VAV3: variants seen among roughly 807,000 people sequenced by gnomAD.
VAV3 encodes vav guanine nucleotide exchange factor 3, also known as guanine nucleotide exchange factor VAV3.
A neutral mutation model predicts 131.2 loss-of-function variants in VAV3; 94 were observed. The ratio of observed to expected loss-of-function variants is 0.72; its 90% CI spans 0.61 to 0.85. The LOEUF (loss-of-function observed/expected upper bound fraction) is 0.85, where lower values mean the gene tolerates loss of function less well. VAV3 is among the 40% of genes least tolerant of loss of function. The probability of loss-of-function intolerance (pLI) is 0.00; values close to 1 mark genes in which losing one functional copy is unlikely to be tolerated. For missense variants in VAV3, 939 were observed against 1,002.7 expected (o/e 0.94, Z 0.86); for synonymous variants, 349 against 342.0 (o/e 1.02, Z -0.22).
At chr1:107,954,764 T>TGGGGGCGGGGCGG (rs374683501) in intron 1 of VAV3, among the ~76,000 whole-genome samples, 1 of 133,138 alleles carries the variant, frequency 7.5e-6, no homozygotes, top group African/African-American at 3.3e-5. Flanking sequence ...GAAAATACCA[T>TGGGGGCGGGGCGG]GGGAGGGGGG....
chr1:107,895,437 GA>G, intron 1 of VAV3, among the ~76,000 whole-genome samples: 1 of 152,124 alleles, frequency 6.6e-6, no homozygotes, highest in South Asian at 2.1e-4. Flanking sequence ...TACTCTGTCA[GA>G]CACTATCCTA....
At chr1:107,579,425 C>G (rs1244634754) in intron 25 of VAV3, among the ~76,000 whole-genome samples, 1 of 152,180 alleles carries the variant, frequency 6.6e-6, no homozygotes, top group Admixed American at 6.5e-5. Flanking sequence ...CTCAAAGTCC[C>G]ATGTTTCCCC....
At chr1:107,657,111 C>G (rs973288170) in intron 19 of VAV3, among the ~76,000 whole-genome samples, 1 of 152,016 alleles carries the variant, frequency 6.6e-6, no homozygotes, top group Admixed American at 6.6e-5. Flanking sequence ...TGCACCACTA[C>G]ACCTGGCTGA....
At chr1:107,604,505 C>A (rs1374021555) in intron 22 of VAV3, among the ~76,000 whole-genome samples, 1 of 152,162 alleles carries the variant, frequency 6.6e-6, no homozygotes, top group Non-Finnish European at 1.5e-5. Context: ...TAGTCTCCAG[C>A]CTTCTTTCAG....
chr1:107,917,809 T>C (rs1303504094), intron 1 of VAV3, among the ~76,000 whole-genome samples: 1 of 152,170 alleles, frequency 6.6e-6, no homozygotes, highest in African/African-American at 2.4e-5. Flanking sequence ...TGCATGGGCT[T>C]CCCTAATCCA....
chr1:107,958,662 T>C (rs781132614), intron 1 of VAV3, among the ~76,000 whole-genome samples: 13 of 152,158 alleles, frequency 8.5e-5, no homozygotes, highest in Non-Finnish European at 1.6e-4. Flanking sequence ...AGTTCTGGGA[T>C]ACATGTGAAG....
At chr1:107,699,976 T>C (rs542669234) in intron 17 of VAV3, among the ~76,000 whole-genome samples, 1 of 152,162 alleles carries the variant, frequency 6.6e-6, no homozygotes, top group African/African-American at 2.4e-5. Context: ...CACCAAAGGT[T>C]ATGAGGCTGA....
chr1:107,864,006 T>C (rs1669868315), intron 2 of VAV3, among the ~76,000 whole-genome samples: 1 of 152,134 alleles, frequency 6.6e-6, no homozygotes, highest in African/African-American at 2.4e-5. Flanking sequence ...GGAATGTCAA[T>C]ATTACCAAAA....
intron 1 of VAV3, among the ~76,000 whole-genome samples, chr1:107,915,784 T>C (rs1025711254): frequency 2.6e-5 from 4 of 152,180 alleles, no homozygotes; most frequent in African/African-American, 9.7e-5. Flanking sequence ...TCAAATTTAC[T>C]GCAATGCATC....
chr1:107,757,171 GT>G, intron 11 of VAV3, 89 bp downstream of exon 11: 1 of 795,070 alleles, frequency 1.3e-6, no homozygotes, highest in African/African-American at 1.8e-5. Flanking sequence ...GTGTGTGTGT[GT>G]GTGTGTGTGT....
intron 15 of VAV3, among the ~76,000 whole-genome samples, chr1:107,721,902 T>C (rs141504381): frequency 8.1e-4 from 124 of 152,320 alleles, no homozygotes; most frequent in African/African-American, 2.9e-3. Flanking sequence ...CCCCAAATAC[T>C]TCCCTTAAGA....
intron 2 of VAV3, among the ~76,000 whole-genome samples, chr1:107,818,623 AT>A (rs1294354808): frequency 6.6e-6 from 1 of 152,208 alleles, no homozygotes; most frequent in Non-Finnish European, 1.5e-5. Flanking sequence ...TCTCAAAAAC[AT>A]TTTTTAAAAA....
intron 19 of VAV3, among the ~76,000 whole-genome samples, chr1:107,657,243 C>A (rs531245335): frequency 4.6e-4 from 70 of 152,252 alleles, no homozygotes; most frequent in African/African-American, 1.5e-3. Flanking sequence ...GCATGAGCCA[C>A]CACGCCCGGC....
At chr1:107,796,252 G>A (rs189447071) in intron 2 of VAV3, among the ~76,000 whole-genome samples, 1 of 152,148 alleles carries the variant, frequency 6.6e-6, no homozygotes, top group Admixed American at 6.5e-5. Context: ...ATGGTCTCTG[G>A]GCCCCAGGCT....
At chr1:107,891,531 G>A (rs1414549389) in intron 1 of VAV3, among the ~76,000 whole-genome samples, 1 of 152,062 alleles carries the variant, frequency 6.6e-6, no homozygotes, top group Non-Finnish European at 1.5e-5. Flanking sequence ...GTAACTTAGT[G>A]TAGTCATTAA....
chr1:107,640,704 A>C (rs1655277060), intron 20 of VAV3, among the ~76,000 whole-genome samples: 1 of 152,192 alleles, frequency 6.6e-6, no homozygotes, highest in Non-Finnish European at 1.5e-5. Flanking sequence ...AAGAAGGAGT[A>C]GTTTCTGCAA....
At chr1:107,964,459 A>C (rs1227207926) in intron 1 of VAV3, 3 of 534,134 alleles carry the variant, frequency 5.6e-6, no homozygotes, top group Non-Finnish European at 9.9e-6. Flanking sequence ...CTCCGGACGC[A>C]AAGCTTTCGC....
chr1:107,733,300 C>T (rs1415134384), intron 15 of VAV3, among the ~76,000 whole-genome samples: 2 of 152,218 alleles, frequency 1.3e-5, no homozygotes, highest in African/African-American at 2.4e-5. Flanking sequence ...AGCAGTAAAG[C>T]TGAAAATTCT....
At chr1:107,713,672 T>C (rs151127766) in intron 15 of VAV3, among the ~76,000 whole-genome samples, 147 of 152,282 alleles carry the variant, frequency 9.7e-4, no homozygotes, top group African/African-American at 3.5e-3. Context: ...TGAAGGGTTT[T>C]CATAAAAGGG....
Sources: allele counts gnomAD v4.1 joint callset (sites outside exome capture counted in the v4.1 genomes callset), GRCh38; gene constraint gnomAD v4.1.1; transcripts MANE v1.5; gene names NCBI Gene and HGNC (gene_info 2026-07-23, HGNC 2026-07-21).